FHIP1A: variants seen among roughly 807,000 people sequenced by gnomAD.
The protein encoded by FHIP1A is FHF complex subunit HOOK interacting protein 1A.
FHIP1A carries 61 observed loss-of-function variants against 88.6 expected under a neutral mutation model. That is an observed-to-expected ratio of 0.69 (90% CI 0.56 to 0.85). The LOEUF is 0.85. Ranked by LOEUF, FHIP1A falls within the 40% of genes least tolerant of loss-of-function variation. FHIP1A has a pLI of 0.00. For synonymous variants in FHIP1A, 478 were observed against 496.0 expected, an observed-to-expected ratio of 0.96 and a Z score of 0.48; for missense variants, 1,154 against 1,273.5, an observed-to-expected ratio of 0.91 and a Z score of 1.43.
intron 2 of FHIP1A, among the ~76,000 whole-genome samples, chr4:151,480,311 G>A (rs1399078835): frequency 6.6e-6 from 1 of 152,034 alleles, no homozygotes; most frequent in African/African-American, 2.4e-5. Flanking sequence ...CTAAGTAAAA[G>A]CATATGTGTG....
At chr4:151,494,623 T>G (rs1730395746) in intron 3 of FHIP1A, among the ~76,000 whole-genome samples, 1 of 152,212 alleles carries the variant, frequency 6.6e-6, no homozygotes, top group Non-Finnish European at 1.5e-5. Flanking sequence ...AACTTTGTTC[T>G]TTTTGCTTAG....
At chr4:151,500,142 T>G (rs184487254) in intron 3 of FHIP1A, among the ~76,000 whole-genome samples, 1 of 152,320 alleles carries the variant, frequency 6.6e-6, no homozygotes, top group East Asian at 1.9e-4. Context: ...TATTAGAGAC[T>G]GTTTTGATGA....
chr4:151,435,543 G>A (rs1728143534), intron 1 of FHIP1A, among the ~76,000 whole-genome samples: 1 of 152,200 alleles, frequency 6.6e-6, no homozygotes, highest in South Asian at 2.1e-4. Flanking sequence ...CCAGCACTTT[G>A]GGAGGCTGAG....
intron 3 of FHIP1A, among the ~76,000 whole-genome samples, chr4:151,558,952 G>A (rs1218207681): frequency 1.3e-5 from 2 of 152,184 alleles, no homozygotes; most frequent in African/African-American, 4.8e-5. Flanking sequence ...CTGAAAATAA[G>A]ACTACCACTC....
At chr4:151,426,469 T>C (rs1278638478) in intron 1 of FHIP1A, among the ~76,000 whole-genome samples, 1 of 152,150 alleles carries the variant, frequency 6.6e-6, no homozygotes, top group Non-Finnish European at 1.5e-5. Context: ...GAAGGGTGAA[T>C]GAAAATCTCT....
intron 7 of FHIP1A, among the ~76,000 whole-genome samples, chr4:151,617,875 G>T (rs1310623952): frequency 6.6e-6 from 1 of 152,146 alleles, no homozygotes; most frequent in Non-Finnish European, 1.5e-5. Context: ...GACAGAGAGA[G>T]ACTCTGTCTT....
At chr4:151,547,419 C>T (rs1033052597) in intron 3 of FHIP1A, among the ~76,000 whole-genome samples, 4 of 151,704 alleles carry the variant, frequency 2.6e-5, no homozygotes, top group Admixed American at 2.0e-4. Context: ...CTTTTTTTCC[C>T]CCAAAAAAAC....
chr4:151,578,892 G>T (rs1733920161), intron 5 of FHIP1A, among the ~76,000 whole-genome samples: 1 of 152,192 alleles, frequency 6.6e-6, no homozygotes, highest in Non-Finnish European at 1.5e-5. Flanking sequence ...GGGGATATAT[G>T]CAGATAATGG....
chr4:151,497,800 G>A (rs137901032), intron 3 of FHIP1A, among the ~76,000 whole-genome samples: 24 of 152,312 alleles, frequency 1.6e-4, no homozygotes, highest in South Asian at 6.2e-4. Flanking sequence ...CCCTCTTCTC[G>A]ACTCAGCCAT....
chr4:151,576,948 TA>T (rs1733812673), intron 4 of FHIP1A: 1 of 152,942 alleles, frequency 6.5e-6, no homozygotes, highest in Admixed American at 6.5e-5. Context: ...ATTTTAAAAT[TA>T]AAAAGCAATA....
chr4:151,577,414 C>G, intron 4 of FHIP1A, 36 bp from the exon 5 acceptor site: 1 of 1,485,886 alleles, frequency 6.7e-7, no homozygotes, highest in Non-Finnish European at 9.0e-7. Context: ...TTATGATAAA[C>G]ATCAGATGGA....
intron 7 of FHIP1A, among the ~76,000 whole-genome samples, chr4:151,592,755 T>A (rs1734487494): frequency 6.6e-6 from 1 of 152,234 alleles, no homozygotes; most frequent in African/African-American, 2.4e-5. Flanking sequence ...GTGCAGAAGT[T>A]CTTTGGTTTA....
chr4:151,532,469 A>AG (rs1301882856), intron 3 of FHIP1A, among the ~76,000 whole-genome samples: 7 of 152,322 alleles, frequency 4.6e-5, no homozygotes, highest in Non-Finnish European at 8.8e-5. Flanking sequence ...AGACATCCAG[A>AG]GGTGCCACAA....
chr4:151,587,492 G>A (rs900297530), intron 6 of FHIP1A, among the ~76,000 whole-genome samples: 13 of 144,916 alleles, frequency 9.0e-5, no homozygotes, highest in African/African-American at 2.9e-4. Flanking sequence ...AAGAAATCAA[G>A]TTTTCTTTCT....
intron 7 of FHIP1A, among the ~76,000 whole-genome samples, chr4:151,602,504 A>G (rs943689961): frequency 4.6e-5 from 7 of 152,114 alleles, no homozygotes; most frequent in African/African-American, 1.7e-4. Context: ...CAGAGAAAGT[A>G]GCCAGGGCAG....
At chr4:151,655,767 T>C (rs1294988578) in intron 11 of FHIP1A, among the ~76,000 whole-genome samples, 6 of 152,146 alleles carry the variant, frequency 3.9e-5, no homozygotes, top group Admixed American at 3.9e-4. Flanking sequence ...TGGTGTTCTT[T>C]ACAGAGAATT....
At chr4:151,437,057 T>G (rs893172571) in intron 1 of FHIP1A, among the ~76,000 whole-genome samples, 3 of 152,312 alleles carry the variant, frequency 2.0e-5, no homozygotes, top group African/African-American at 7.2e-5. Flanking sequence ...TGAATATTTT[T>G]TATCCTTGAT....
Position 151,638,766 on chromosome 4 carries a change from C to G in FHIP1A, c.1226+10C>G. 1 of 1,511,328 alleles carries G rather than the reference C, an allele frequency of 6.6e-7. No individual in the cohort carries two copies. 93.6% of individuals were successfully genotyped at this position (1,511,328 alleles called of 1,614,324 possible). ...TACAGCTAGTTCTAAGGTGAGTTGC[C>G]TTTTTTGTTTCCTTTAAAGAAAAAT... On this transcript the variant is annotated intron_variant, in intron 9 of 13. Transcript: ENST00000435205.
intron 2 of FHIP1A, among the ~76,000 whole-genome samples, chr4:151,459,393 C>T (rs899076363): frequency 3.9e-5 from 6 of 152,092 alleles, no homozygotes; most frequent in African/African-American, 7.2e-5. Flanking sequence ...AAAGTGAGTA[C>T]GGGTGGGACC....
Sources: gnomAD v4.1 joint callset for allele counts (sites outside exome capture counted in the v4.1 genomes callset) on GRCh38, gnomAD v4.1.1 for gene constraint, MANE v1.5 for transcripts, NCBI Gene and HGNC (gene_info 2026-07-23, HGNC 2026-07-21) for gene names.